The following ABCC5 variants were observed in gnomAD, a reference collection of about 807,000 sequenced individuals.
The protein encoded by ABCC5 is ATP-binding cassette sub-family C member 5.
ABCC5 carries 61 observed loss-of-function variants against 160.9 expected under a neutral mutation model. The ratio of observed to expected loss-of-function variants is 0.38; its 90% CI spans 0.31 to 0.47. The LOEUF (loss-of-function observed/expected upper bound fraction) is 0.47. Among genes scored for constraint, ABCC5 ranks in the 20% least tolerant of loss-of-function variants. ABCC5 has a pLI of 0.99. For synonymous variants in ABCC5, 666 were observed against 700.6 expected, an observed-to-expected ratio of 0.95 and a Z score of 0.78; for missense variants, 1,308 against 1,813.3, an observed-to-expected ratio of 0.72 and a Z score of 5.06.
At chr3:184,009,657 A>G (rs1329733170) in intron 2 of ABCC5, among the ~76,000 whole-genome samples, 4 of 152,230 alleles carry the variant, frequency 2.6e-5, no homozygotes, top group Admixed American at 1.3e-4. Context: ...TGGTGTCTGA[A>G]CTTACAAAAA....
rs538775998 is a variant in ABCC5, at chr3:183,976,072, A to AT, written c.1404+1444dup. 2.2e-4 allele frequency among the ~76,000 whole-genome samples: 28 copies of AT among 129,360 alleles called. No individual in the cohort carries two copies. In the East Asian group the frequency reaches 3.1e-3, roughly 14 times the overall value. 84.9% of individuals were successfully genotyped at this position (129,360 alleles called of 152,430 possible). A position where few individuals can be genotyped will look rare whatever the true frequency, so the allele number is the denominator to read the frequency against. On this transcript the variant is annotated intron_variant, in intron 10 of 29. Transcript: ENST00000334444. ...ATAAAGCTCTGAGTCCCATTAGGCCATTTTTTTTCATATGACTCAGCTCTT... is the reference window on the plus strand; with the variant it reads ...ATAAAGCTCTGAGTCCCATTAGGCCATTTTTTTTTCATATGACTCAGCTCTT...
At chr3:183,980,616 C>G (rs1443520373) in intron 8 of ABCC5, among the ~76,000 whole-genome samples, 1 of 152,144 alleles carries the variant, frequency 6.6e-6, no homozygotes, top group Non-Finnish European at 1.5e-5. Flanking sequence ...CTTAACAGCC[C>G]TCATAAATCA....
At chr3:183,981,534 T>C (rs1375899253) in intron 8 of ABCC5, among the ~76,000 whole-genome samples, 193 bp downstream of exon 8, 2 of 152,218 alleles carry the variant, frequency 1.3e-5, no homozygotes, top group Non-Finnish European at 2.9e-5. Context: ...AATTTCCTCA[T>C]CAGTGAGATG....
intron 17 of ABCC5, 43 bp downstream of exon 17, chr3:183,959,689 TA>T: frequency 7.1e-7 from 1 of 1,406,778 alleles, no homozygotes; most frequent in Non-Finnish European, 1.0e-6. Context: ...TTATTTCTGA[TA>T]AACTTTGATG....
chr3:183,938,191 G>C, intron 25 of ABCC5, 131 bp from the exon 26 acceptor site: 3 of 876,596 alleles, frequency 3.4e-6, no homozygotes, highest in Non-Finnish European at 3.5e-6. Flanking sequence ...GATTAACTGA[G>C]ATAATGTATA....
At chr3:184,004,187 C>A (rs9290779) in intron 2 of ABCC5, among the ~76,000 whole-genome samples, 3,002 of 150,116 alleles carry the variant, frequency 0.02, 117 homozygotes, top group African/African-American at 0.071. Flanking sequence ...GACAAAATCC[C>A]TTCAACAAGA....
At chr3:184,006,300 G>GAAAAAA (rs34764294) in intron 2 of ABCC5, 8 of 114,610 alleles carry the variant, frequency 7.0e-5, no homozygotes, top group Non-Finnish European at 5.6e-5. Flanking sequence ...AGGGAGAGAA[G>GAAAAAA]AAAAAAAAAA....
chr3:184,004,392 C>A (rs1241289118), intron 2 of ABCC5, among the ~76,000 whole-genome samples: 1 of 151,346 alleles, frequency 6.6e-6, no homozygotes, highest in East Asian at 1.9e-4. Flanking sequence ...CACCTGTAAT[C>A]CCAGGTACTT....
intron 2 of ABCC5, among the ~76,000 whole-genome samples, chr3:184,012,704 C>G (rs1560061118): frequency 6.6e-6 from 1 of 152,264 alleles, no homozygotes; most frequent in East Asian, 1.9e-4. Flanking sequence ...GATGTTTAAT[C>G]AACATAAGGT....
At chr3:184,016,584 C>G (rs1722210743) in intron 1 of ABCC5, among the ~76,000 whole-genome samples, 2 of 152,230 alleles carry the variant, frequency 1.3e-5, no homozygotes, top group African/African-American at 4.8e-5. Context: ...TCCCTATCTT[C>G]TCGTGTCCTC....
At chr3:183,931,928 C>T (rs1420325549) in intron 26 of ABCC5, among the ~76,000 whole-genome samples, 2 of 152,216 alleles carry the variant, frequency 1.3e-5, no homozygotes, top group Non-Finnish European at 2.9e-5. Context: ...AGTGTCTGAA[C>T]ATGAGGGCAA....
intron 11 of ABCC5, among the ~76,000 whole-genome samples, chr3:183,969,946 C>A (rs1717583991): frequency 1.3e-5 from 2 of 152,182 alleles, no homozygotes; most frequent in African/African-American, 2.4e-5. Flanking sequence ...ACAAACATTT[C>A]TTACTACCTC....
intron 11 of ABCC5, among the ~76,000 whole-genome samples, chr3:183,968,980 G>A (rs1034093929): frequency 2.6e-5 from 4 of 152,192 alleles, no homozygotes; most frequent in African/African-American, 9.7e-5. Context: ...CATGGTCCAC[G>A]AGTACTGAAT....
intron 10 of ABCC5, among the ~76,000 whole-genome samples, chr3:183,973,751 A>T (rs369846812): frequency 1.3e-5 from 2 of 152,306 alleles, no homozygotes; most frequent in African/African-American, 4.8e-5. Context: ...TGCTGCTTTC[A>T]TTTGTTCAAA....
chr3:183,933,584 T>G, intron 26 of ABCC5, among the ~76,000 whole-genome samples: 1 of 151,796 alleles, frequency 6.6e-6, no homozygotes, highest in East Asian at 1.9e-4. Flanking sequence ...GGCAAAACAA[T>G]AGGGAGCTGC....
intron 5 of ABCC5, chr3:183,984,246 G>C: frequency 7.1e-6 from 7 of 985,586 alleles, no homozygotes; most frequent in Non-Finnish European, 8.4e-6. Context: ...CATCCTTCTG[G>C]GTCTTTTCAA....
At position 183,945,762 on chromosome 3, in the gene ABCC5, T is replaced by G. The variant is rs1226196877; in HGVS notation, c.3504+88A>C. 3.0e-6 allele frequency: 3 copies of G among 1,009,952 alleles called. No individual in the cohort carries two copies. In the African/African-American group the frequency reaches 4.8e-5, roughly 16 times the overall value. The allele number at this position is 1,009,952 out of a possible 1,614,324, so 62.6% of individuals were successfully genotyped here. A position where few individuals can be genotyped will look rare whatever the true frequency, so the allele number is the denominator to read the frequency against. ...ATTAGATAGGCAGAGAACACAAGCC[T>G]CCTCCTTGTACACCCAGCTGAGGCA... On this transcript the variant is annotated intron_variant, in intron 24 of 29. Coordinates refer to ENST00000334444, the MANE Select transcript of ABCC5 (RefSeq NM_005688.4).
intron 17 of ABCC5, among the ~76,000 whole-genome samples, chr3:183,954,822 T>C (rs959872905): frequency 6.6e-6 from 1 of 152,182 alleles, no homozygotes; most frequent in African/African-American, 2.4e-5. Flanking sequence ...CCAAGGCAGT[T>C]GGATTACAGC....
chr3:183,980,646 G>T (rs1381890023), intron 8 of ABCC5, among the ~76,000 whole-genome samples: 1 of 151,852 alleles, frequency 6.6e-6, no homozygotes, highest in African/African-American at 2.4e-5. Context: ...TCCAGAATTG[G>T]ACATCATGTT....
Sources: gnomAD v4.1 joint callset for allele counts (sites outside exome capture counted in the v4.1 genomes callset) on GRCh38, gnomAD v4.1.1 for gene constraint, MANE v1.5 for transcripts, NCBI Gene and HGNC (gene_info 2026-07-23, HGNC 2026-07-21) for gene names.